Variants in CEP85L observed in about 807,000 individuals in gnomAD.
CEP85L encodes the protein centrosomal protein of 85 kDa-like.
CEP85L carries 60 observed loss-of-function variants against 100.3 expected under a neutral mutation model. That is an observed-to-expected ratio of 0.60 (90% CI 0.49 to 0.74). The LOEUF is 0.74. CEP85L is among the 30% of genes least tolerant of loss of function. The pLI is 0.00. For missense variants in CEP85L, 973 were observed against 936.2 expected (o/e 1.04, Z -0.51); for synonymous variants, 319 against 322.7 (o/e 0.99, Z 0.12).
Position 118,544,220 on chromosome 6 carries a change from T to C in CEP85L, c.1021-20300A>G, listed in dbSNP as rs1778070263. ...TAACAGCATCATGATCGGGACCCTA[T>C]AGAATTTTGAAGCAAGTATTTGGAG... On this transcript the variant is annotated intron_variant, in intron 3 of 12. Transcript: ENST00000368491. 1.3e-5 allele frequency among the ~76,000 whole-genome samples: 2 copies of C among 152,234 alleles called. 1 individual carries two copies. The highest frequency in any genetic ancestry group is 4.1e-4 in the South Asian group (2 of 4,836).
intron 2 of CEP85L, among the ~76,000 whole-genome samples, chr6:118,607,763 G>C (rs551097642): frequency 6.6e-6 from 1 of 152,094 alleles, no homozygotes; most frequent in African/African-American, 2.4e-5. Context: ...TGTCCAATCA[G>C]TGCTGCATCT....
chr6:118,590,791 C>T (rs1781144516), intron 2 of CEP85L, among the ~76,000 whole-genome samples: 1 of 152,156 alleles, frequency 6.6e-6, no homozygotes, highest in South Asian at 2.1e-4. Context: ...CACTACCCTC[C>T]TCTCTCCCCA....
chr6:118,572,810 C>G (rs1360396153), intron 2 of CEP85L, among the ~76,000 whole-genome samples: 1 of 151,976 alleles, frequency 6.6e-6, no homozygotes, highest in African/African-American at 2.4e-5. Flanking sequence ...GCCTGTAATC[C>G]CAGCAATTTG....
chr6:118,496,788 CT>C (rs952600419), intron 5 of CEP85L, among the ~76,000 whole-genome samples: 4 of 152,184 alleles, frequency 2.6e-5, no homozygotes, highest in Non-Finnish European at 4.4e-5. Context: ...ACAAAACTTG[CT>C]TACTTATGTA....
chr6:118,605,204 G>T (rs1772107574), intron 2 of CEP85L, among the ~76,000 whole-genome samples: 1 of 152,096 alleles, frequency 6.6e-6, no homozygotes, highest in Admixed American at 6.5e-5. Context: ...CTGGTTCCTG[G>T]ATCCCCAAAA....
intron 5 of CEP85L, among the ~76,000 whole-genome samples, chr6:118,505,170 G>A (rs1033957214): frequency 3.3e-5 from 5 of 151,844 alleles, no homozygotes; most frequent in South Asian, 4.2e-4. Flanking sequence ...GGCCAGGCGC[G>A]GTGGCTCACA....
intron 2 of CEP85L, among the ~76,000 whole-genome samples, chr6:118,567,177 A>ATG (rs1779559308): frequency 6.7e-6 from 1 of 148,714 alleles, no homozygotes; most frequent in African/African-American, 2.5e-5. Flanking sequence ...GCATATATAT[A>ATG]TGTGTGTACA....
intron 6 of CEP85L, among the ~76,000 whole-genome samples, chr6:118,489,137 C>T (rs540560810): frequency 7.0e-4 from 106 of 151,898 alleles, no homozygotes; most frequent in African/African-American, 2.5e-3. Context: ...CATGGTGGCA[C>T]GTGCCTGTAA....
chr6:118,662,391 G>T (rs1776001512), intron 1 of CEP85L, among the ~76,000 whole-genome samples: 1 of 152,062 alleles, frequency 6.6e-6, no homozygotes, highest in South Asian at 2.1e-4. Context: ...TTAGCTGGGT[G>T]TGGAGGCGCA....
rs1411156125 is a variant in CEP85L, at chr6:118,565,707, C to T, written c.842G>A (p.Gly281Asp). ...AFEPPKYLML[G>D]QQAVGGVPIQ... ...GGGAACTCCACCTACTGCCTGTTGACCAAGCATTAAATATTTTGGAGGTTC... is the reference window on the plus strand; with the variant it reads ...GGGAACTCCACCTACTGCCTGTTGATCAAGCATTAAATATTTTGGAGGTTC... Residue 281 changes from glycine (G) to aspartate (D), a missense_variant, in exon 3 of 13, where the codon GGT becomes GAT. Gly to Asp is a moderately conservative substitution (Grantham distance 94). Coordinates refer to ENST00000368491, the MANE Select transcript of CEP85L (RefSeq NM_001042475.3). 1.2e-6 allele frequency: 2 copies of T among 1,614,056 alleles called. No individual in the cohort carries two copies. Among genetic ancestry groups the T allele is most frequent in the Non-Finnish European group, 1.7e-6 (2 of 1,180,042 alleles).
At chr6:118,611,571 A>T (rs1170539453) in intron 2 of CEP85L, among the ~76,000 whole-genome samples, 2 of 152,208 alleles carry the variant, frequency 1.3e-5, no homozygotes, top group Non-Finnish European at 2.9e-5. Flanking sequence ...TTGGCACAGC[A>T]GATTGATGAG....
rs1775532760 is a variant in CEP85L, at chr6:118,651,202, G to A, written c.68C>T (p.Pro23Leu). The A allele has an allele frequency of 6.7e-7, 1 of 1,495,550 alleles. No individual in the cohort carries two copies. Among genetic ancestry groups the A allele is most frequent in the African/African-American group, 1.5e-5 (1 of 68,912 alleles). The allele number at this position is 1,495,550 out of a possible 1,614,324, so 92.6% of individuals were successfully genotyped here. Residue 23 changes from proline to leucine, a missense_variant, in exon 1 of 13, where the codon CCT (proline) becomes CTT (leucine). Coordinates refer to ENST00000368491, the MANE Select transcript of CEP85L (RefSeq NM_001042475.3). ...RDSPGGARSFPAGPDYSSAWL... is the reference protein window; with the variant it reads ...RDSPGGARSFLAGPDYSSAWL... ...GGCGCTGTCCCGTTCCTTACCGGCA[G>A]GGAAGCTGCGGGCTCCGCCGGGGCT...
intron 1 of CEP85L, among the ~76,000 whole-genome samples, chr6:118,660,890 T>TA (rs1403880556): frequency 6.6e-6 from 1 of 151,726 alleles, no homozygotes; most frequent in African/African-American, 2.4e-5. Context: ...TTTTTCTTTT[T>TA]TTTTTCTTTT....
chr6:118,571,086 G>A (rs1779859340), intron 2 of CEP85L, among the ~76,000 whole-genome samples: 1 of 151,818 alleles, frequency 6.6e-6, no homozygotes, highest in African/African-American at 2.4e-5. Flanking sequence ...TATCTAGGTG[G>A]GAAAAGGGTC....
chr6:118,573,303 C>G (rs1409389494), intron 2 of CEP85L, among the ~76,000 whole-genome samples: 3 of 152,170 alleles, frequency 2.0e-5, no homozygotes, highest in African/African-American at 7.2e-5. Context: ...GGGTAAATAA[C>G]TGACATCCAA....
intron 2 of CEP85L, among the ~76,000 whole-genome samples, chr6:118,579,498 C>A (rs946290454): frequency 6.6e-6 from 1 of 152,166 alleles, no homozygotes; most frequent in Non-Finnish European, 1.5e-5. Flanking sequence ...AAGATTAAGT[C>A]TCATCAGGCA....
chr6:118,519,030 G>A (rs1776452568), intron 4 of CEP85L, among the ~76,000 whole-genome samples: 1 of 152,188 alleles, frequency 6.6e-6, no homozygotes, highest in Non-Finnish European at 1.5e-5. Flanking sequence ...TTTCCATGCA[G>A]TCGTGTGGTT....
At chr6:118,661,079 G>T (rs1012294092) in intron 1 of CEP85L, among the ~76,000 whole-genome samples, 44 of 152,044 alleles carry the variant, frequency 2.9e-4, no homozygotes, top group African/African-American at 9.9e-4. Flanking sequence ...TAGAGATAGG[G>T]TTTCACTGTG....
At chr6:118,556,451 G>A (rs895963308) in intron 3 of CEP85L, among the ~76,000 whole-genome samples, 2 of 152,124 alleles carry the variant, frequency 1.3e-5, no homozygotes, top group Non-Finnish European at 2.9e-5. Context: ...ATAGACCCAA[G>A]TTGAACACTA....
Sources: gnomAD v4.1 joint callset for allele counts (sites outside exome capture counted in the v4.1 genomes callset) on GRCh38, gnomAD v4.1.1 for gene constraint, MANE v1.5 for transcripts, NCBI Gene and HGNC (gene_info 2026-07-23, HGNC 2026-07-21) for gene names.